NEDD4: variants seen among roughly 807,000 people sequenced by gnomAD.
NEDD4 encodes NEDD4 E3 ubiquitin protein ligase.
Under a neutral mutation model 144.9 loss-of-function variants are expected in NEDD4, and 99 were observed. The observed-to-expected ratio is 0.68, with a 90% confidence interval of 0.58 to 0.81. The LOEUF is 0.81. Among genes scored for constraint, NEDD4 ranks in the 30% least tolerant of loss-of-function variants. The probability of loss-of-function intolerance (pLI) is 0.00; values close to 1 mark genes in which losing one functional copy is unlikely to be tolerated. For missense variants in NEDD4, 985 were observed against 1,065.9 expected, an observed-to-expected ratio of 0.92 and a Z score of 1.06; for synonymous variants, 318 against 350.6, an observed-to-expected ratio of 0.91 and a Z score of 1.04.
At chr15:55,895,514 T>G (rs1190852237) in intron 5 of NEDD4, among the ~76,000 whole-genome samples, 5 of 152,240 alleles carry the variant, frequency 3.3e-5, no homozygotes, top group Non-Finnish European at 7.3e-5. Context: ...CTGTGGTAGC[T>G]GAGGAAAGCT....
At chr15:55,985,319 G>C (rs1360069774) in intron 1 of NEDD4, among the ~76,000 whole-genome samples, 1 of 152,238 alleles carries the variant, frequency 6.6e-6, no homozygotes, top group East Asian at 1.9e-4. Flanking sequence ...TCACAGAGGT[G>C]CATGGTTGGC....
chr15:55,951,558 G>A lies in NEDD4; in HGVS notation c.151C>T (p.Pro51Ser), dbSNP rs536868404. ...DPYVRVTLYDPMNGVLTSVQT... is the reference protein window; with the variant it reads ...DPYVRVTLYDSMNGVLTSVQT... Reference sequence around the variant, plus strand: ...ACACTTGTAAGAACTCCATTCATTGGGTCATATAACGTCACTCTCACGTAA... The same window carrying A: ...ACACTTGTAAGAACTCCATTCATTGAGTCATATAACGTCACTCTCACGTAA... Residue 51 changes from proline (P) to serine (S), a missense_variant, in exon 3 of 29, where the codon CCA (proline) becomes TCA (serine). By Grantham distance (74) the Pro-to-Ser change is moderately conservative. Transcript: ENST00000435532. 2 of 1,524,806 alleles carry A rather than the reference G, an allele frequency of 1.3e-6. No individual in the cohort carries two copies. Among genetic ancestry groups the A allele is most frequent in the African/African-American group, 2.8e-5 (2 of 71,250 alleles). The allele number at this position is 1,524,806 out of a possible 1,614,324, so 94.5% of individuals were successfully genotyped here. A position where few individuals can be genotyped will look rare whatever the true frequency, so the allele number is the denominator to read the frequency against.
intron 1 of NEDD4, among the ~76,000 whole-genome samples, chr15:55,989,910 G>A (rs1303493443): frequency 1.3e-5 from 2 of 152,072 alleles, no homozygotes; most frequent in Non-Finnish European, 2.9e-5. Context: ...ACTCCTCACC[G>A]ATCACATTAC....
At position 55,828,742 on chromosome 15, in the gene NEDD4, T is replaced by A. The variant is rs1339459818; in HGVS notation, c.*1155A>T. ...AACTGTAGCATTTTGCCTACAGAATTCTGGATTTGTAATTAAAAACATTGT... is the reference window on the plus strand; with the variant it reads ...AACTGTAGCATTTTGCCTACAGAATACTGGATTTGTAATTAAAAACATTGT... On this transcript the variant is annotated 3_prime_UTR_variant, in exon 29 of 29. Transcript: ENST00000435532. 6.6e-6 allele frequency: 1 copy of A among 152,660 alleles called. No homozygotes were observed. Among genetic ancestry groups the A allele is most frequent in the African/African-American group, 2.4e-5 (1 of 41,454 alleles). The allele number at this position is 152,660 out of a possible 1,614,324, so 9.5% of individuals were successfully genotyped here.
At chr15:55,834,751 C>A (rs2033117061) in intron 24 of NEDD4, among the ~76,000 whole-genome samples, 1 of 152,180 alleles carries the variant, frequency 6.6e-6, no homozygotes, top group South Asian at 2.1e-4. Context: ...AGAACAACAA[C>A]AAAAAACAAA....
chr15:55,911,515 C>A (rs1387167130), intron 5 of NEDD4, among the ~76,000 whole-genome samples: 5 of 152,128 alleles, frequency 3.3e-5, no homozygotes, highest in African/African-American at 1.2e-4. Context: ...TAGCACATCA[C>A]ATATTAGACT....
chr15:55,963,065 G>A (rs1294008756), intron 2 of NEDD4, among the ~76,000 whole-genome samples: 3 of 151,840 alleles, frequency 2.0e-5, no homozygotes, highest in African/African-American at 7.3e-5. Context: ...GATTACAGGC[G>A]TGAGCTACCA....
intron 5 of NEDD4, among the ~76,000 whole-genome samples, chr15:55,876,208 A>C (rs2034987363): frequency 6.6e-6 from 1 of 152,210 alleles, no homozygotes; most frequent in African/African-American, 2.4e-5. Context: ...AAGTAGAGAT[A>C]ATTTGTCATC....
chr15:55,964,193 T>G (rs957140133), intron 2 of NEDD4, among the ~76,000 whole-genome samples: 1 of 152,182 alleles, frequency 6.6e-6, no homozygotes, highest in African/African-American at 2.4e-5. Context: ...TTGTGCCTTC[T>G]TCTTTTCCCT....
At chr15:55,853,178 T>C (rs1038391760) in intron 12 of NEDD4, among the ~76,000 whole-genome samples, 1 of 152,214 alleles carries the variant, frequency 6.6e-6, no homozygotes, top group Non-Finnish European at 1.5e-5. Context: ...TAAAAATGGG[T>C]AAATTATACA....
intron 24 of NEDD4, 83 bp from the exon 25 acceptor site, chr15:55,834,369 A>G: frequency 1.3e-6 from 1 of 798,286 alleles, no homozygotes; most frequent in Middle Eastern, 2.3e-4. Context: ...CTACTGGAGG[A>G]ATCCCACATC....
chr15:55,844,123 C>T (rs11071229), intron 18 of NEDD4, among the ~76,000 whole-genome samples: 32,065 of 151,566 alleles, frequency 0.21, 3,684 homozygotes, highest in Non-Finnish European at 0.26. Context: ...GAGGGAAGGA[C>T]GGAGGAACAG....
At chr15:55,895,612 G>T (rs1398311352) in intron 5 of NEDD4, among the ~76,000 whole-genome samples, 1 of 152,210 alleles carries the variant, frequency 6.6e-6, no homozygotes, top group Non-Finnish European at 1.5e-5. Flanking sequence ...GCTATTTAAA[G>T]ACAGATTGCT....
chr15:55,985,694 T>C (rs1326969039), intron 1 of NEDD4, among the ~76,000 whole-genome samples: 2 of 151,948 alleles, frequency 1.3e-5, no homozygotes, highest in Non-Finnish European at 2.9e-5. Context: ...ATTTATGTAT[T>C]TACAGATTGA....
intron 5 of NEDD4, among the ~76,000 whole-genome samples, chr15:55,884,398 T>C (rs2035312669): frequency 6.6e-6 from 1 of 151,974 alleles, no homozygotes; most frequent in African/African-American, 2.4e-5. Context: ...TTGGCAAACA[T>C]CCACAAGCAT....
At chr15:55,897,747 ATC>A (rs1164009329) in intron 5 of NEDD4, among the ~76,000 whole-genome samples, 1 of 152,150 alleles carries the variant, frequency 6.6e-6, no homozygotes, top group African/African-American at 2.4e-5. Context: ...ATGTTCCTGC[ATC>A]GTTTACTGTC....
intron 5 of NEDD4, among the ~76,000 whole-genome samples, chr15:55,912,500 A>G (rs2036306372): frequency 6.6e-6 from 1 of 152,154 alleles, no homozygotes; most frequent in South Asian, 2.1e-4. Flanking sequence ...GAATATAAGT[A>G]AAGAATGGAA....
chr15:55,907,956 C>G (rs16976646), intron 5 of NEDD4, among the ~76,000 whole-genome samples: 21,725 of 152,120 alleles, frequency 0.14, 1,690 homozygotes, highest in East Asian at 0.35. Context: ...CCTTGAGTCA[C>G]GATCATAATA....
chr15:55,974,995 C>T (rs536838979), intron 1 of NEDD4, among the ~76,000 whole-genome samples: 4 of 145,502 alleles, frequency 2.7e-5, no homozygotes, highest in South Asian at 2.2e-4. Flanking sequence ...CAGGTTCAAA[C>T]GATTCTCCTG....
Sources: allele counts gnomAD v4.1 joint callset (sites outside exome capture counted in the v4.1 genomes callset), GRCh38; gene constraint gnomAD v4.1.1; transcripts MANE v1.5; gene names NCBI Gene and HGNC (gene_info 2026-07-23, HGNC 2026-07-21).